Variants in B3GALT1 observed in about 807,000 individuals in gnomAD.
B3GALT1 encodes UDP-Gal:betaGlcNAc beta 1,3-galactosyltransferase, polypeptide 1.
Under a neutral mutation model 23.2 loss-of-function variants are expected in B3GALT1, and 10 were observed. The ratio of observed to expected loss-of-function variants is 0.43; its 90% confidence interval spans 0.27 to 0.73. The LOEUF (loss-of-function observed/expected upper bound fraction) is 0.73, where lower values mean the gene tolerates loss of function less well. Ranked by LOEUF, B3GALT1 falls within the 30% of genes least tolerant of loss-of-function variation. B3GALT1 has a pLI of 0.21. For missense variants in B3GALT1, 299 were observed against 405.4 expected, an observed-to-expected ratio of 0.74 and a Z score of 2.25; for synonymous variants, 156 against 141.5, an observed-to-expected ratio of 1.10 and a Z score of -0.73.
At chr2:167,595,540 T>C (rs1475668968) in intron 2 of B3GALT1, among the ~76,000 whole-genome samples, 1 of 152,310 alleles carries the variant, frequency 6.6e-6, no homozygotes. Flanking sequence ...CTCTTCATTC[T>C]GTTTTACATT....
intron 1 of B3GALT1, among the ~76,000 whole-genome samples, chr2:167,478,459 A>T (rs974090622): frequency 6.6e-6 from 1 of 152,182 alleles, no homozygotes; most frequent in Admixed American, 6.5e-5. Context: ...TCCCTCCCAG[A>T]TCTACTGTGT....
intron 2 of B3GALT1, among the ~76,000 whole-genome samples, chr2:167,505,080 T>G (rs775411352): frequency 6.6e-6 from 1 of 152,218 alleles, no homozygotes; most frequent in Non-Finnish European, 1.5e-5. Context: ...ATGTATGATA[T>G]GCTACCATCT....
At chr2:167,735,634 AT>A (rs1389462803) in intron 3 of B3GALT1, among the ~76,000 whole-genome samples, 1 of 152,226 alleles carries the variant, frequency 6.6e-6, no homozygotes, top group Non-Finnish European at 1.5e-5. Context: ...ATAGATATAG[AT>A]TTGTATCAGT....
intron 3 of B3GALT1, among the ~76,000 whole-genome samples, chr2:167,701,799 G>A (rs1686885583): frequency 6.6e-6 from 1 of 152,120 alleles, no homozygotes. Context: ...TCCTGGCCAG[G>A]CATTTTTGAG....
chr2:167,306,151 T>C (rs1026612553), intron 1 of B3GALT1, among the ~76,000 whole-genome samples: 2 of 152,064 alleles, frequency 1.3e-5, no homozygotes, highest in Non-Finnish European at 2.9e-5. Flanking sequence ...TGTTGATGAA[T>C]GTATTATGTA....
chr2:167,869,303 C>T lies in B3GALT1; in HGVS notation c.264C>T (p.His88=). The T allele has an allele frequency of 6.2e-7, 1 of 1,614,134 alleles. No homozygotes were observed. The highest frequency in any genetic ancestry group is 2.2e-5 in the East Asian group (1 of 44,882). Residue 88 remains histidine (H), a synonymous_variant, in exon 5 of 5, where the codon CAC becomes CAT. Transcript: ENST00000392690. The surrounding 1 kb of genome is among the most constrained non-coding windows in gnomAD (Gnocchi z 6.4). ...TTGTTATCCTCATCAGCACCACTCA[C>T]AAGGAATTTGATGCCCGTCAGGCAA... ...PFLVILISTT[H]KEFDARQAIR... is the part of the protein sequence containing the mutation.
intron 2 of B3GALT1, among the ~76,000 whole-genome samples, chr2:167,598,269 A>T (rs1684814215): frequency 6.6e-6 from 1 of 152,082 alleles, no homozygotes; most frequent in South Asian, 2.1e-4. Context: ...TGTGTGTGTG[A>T]GAGAGTGACA....
Position 167,789,498 on chromosome 2 carries a change from T to C in B3GALT1, c.-351-29174T>C, listed in dbSNP as rs1286854595. On this transcript the variant is annotated intron_variant, in intron 3 of 4. Coordinates refer to ENST00000392690, the MANE Select transcript of B3GALT1 (RefSeq NM_020981.4). ...TAAATAAAGCCTTTGGCACACTCTA[T>C]GGTTCATAAATTCTAGAGAACGGTG... Among the ~76,000 whole-genome samples, 7 of 152,306 alleles carry C rather than the reference T, an allele frequency of 4.6e-5. No homozygotes were observed. In the East Asian group the frequency reaches 1.4e-3, roughly 29 times the overall value.
intron 1 of B3GALT1, among the ~76,000 whole-genome samples, chr2:167,367,889 G>T (rs1483792270): frequency 2.0e-5 from 3 of 152,196 alleles, no homozygotes; most frequent in Non-Finnish European, 4.4e-5. Flanking sequence ...TCTCTGGAGT[G>T]TTTCAAGGTA....
intron 2 of B3GALT1, among the ~76,000 whole-genome samples, chr2:167,642,054 A>G (rs1166416358): frequency 1.3e-5 from 2 of 152,150 alleles, no homozygotes; most frequent in East Asian, 3.9e-4. Context: ...CTAAGTTTCA[A>G]ATCACTCAGT....
chr2:167,531,127 A>G (rs1386639289), intron 2 of B3GALT1, among the ~76,000 whole-genome samples: 1 of 152,200 alleles, frequency 6.6e-6, no homozygotes, highest in Non-Finnish European at 1.5e-5. Context: ...TCACATAGCA[A>G]ATGAGCAATG....
At chr2:167,604,678 G>A (rs1162372028) in intron 2 of B3GALT1, among the ~76,000 whole-genome samples, 3 of 152,104 alleles carry the variant, frequency 2.0e-5, no homozygotes, top group Admixed American at 1.3e-4. Context: ...AGGGTAAGTG[G>A]GTTGGGAAGC....
chr2:167,351,516 G>A (rs1034468829), intron 1 of B3GALT1, among the ~76,000 whole-genome samples: 3 of 152,110 alleles, frequency 2.0e-5, no homozygotes, highest in Non-Finnish European at 4.4e-5. Context: ...AGAGAATTTT[G>A]CCTCAGAAAG....
intron 2 of B3GALT1, among the ~76,000 whole-genome samples, chr2:167,511,817 A>G (rs1286287351): frequency 6.6e-6 from 1 of 152,200 alleles, no homozygotes; most frequent in African/African-American, 2.4e-5. Flanking sequence ...ATTTCATGAA[A>G]AAATAACTAA....
At chr2:167,651,234 G>A (rs1259070625) in intron 3 of B3GALT1, among the ~76,000 whole-genome samples, 1 of 75,908 alleles carries the variant, frequency 1.3e-5, no homozygotes, top group Non-Finnish European at 2.8e-5. Flanking sequence ...AGAGCAGAAA[G>A]GTTGTGTGTG....
intron 3 of B3GALT1, among the ~76,000 whole-genome samples, chr2:167,654,289 C>T (rs946500935): frequency 6.6e-6 from 1 of 152,142 alleles, no homozygotes; most frequent in Non-Finnish European, 1.5e-5. Context: ...ATTAGTCTCT[C>T]ATCGGGTAGG....
At chr2:167,454,833 A>G (rs1699145123) in intron 1 of B3GALT1, among the ~76,000 whole-genome samples, 1 of 152,174 alleles carries the variant, frequency 6.6e-6, no homozygotes, top group African/African-American at 2.4e-5. Context: ...TAACCATGCT[A>G]AAAACAATCA....
In B3GALT1 at chr2:167,753,121, G is replaced by T. The variant is rs187302317; in HGVS notation, c.-351-65551G>T. On this transcript the variant is annotated intron_variant, in intron 3 of 4. Transcript: ENST00000392690. ...ACTGGAGAGAGGGGCCATTGCCATG[G>T]AAACTGAGAGCCCAAATGCAATCAT... Among the ~76,000 whole-genome samples the T allele has an allele frequency of 4.6e-5, 7 of 152,310 alleles. No homozygotes were observed. The South Asian group carries it at 1.2e-3, about 27-fold the overall frequency.
intron 4 of B3GALT1, among the ~76,000 whole-genome samples, chr2:167,859,315 T>C (rs1170523319): frequency 2.0e-5 from 3 of 152,166 alleles, no homozygotes; most frequent in Non-Finnish European, 2.9e-5. Flanking sequence ...TGATGAAATA[T>C]CCTCATTTTC....
Sources: gnomAD v4.1 joint callset for allele counts (sites outside exome capture counted in the v4.1 genomes callset) on GRCh38, gnomAD v4.1.1 for gene constraint, Gnocchi (gnomAD v3.1) non-coding constraint, MANE v1.5 for transcripts, NCBI Gene and HGNC (gene_info 2026-07-23, HGNC 2026-07-21) for gene names.